The following WDPCP variants were observed in gnomAD, a reference collection of about 807,000 sequenced individuals.
WDPCP encodes WD repeat-containing and planar cell polarity effector protein fritz homolog.
In WDPCP, 71 loss-of-function variants were observed where a neutral mutation model predicts 93.1. The observed-to-expected ratio is 0.76, with a 90% CI of 0.63 to 0.93. The LOEUF (loss-of-function observed/expected upper bound fraction) is 0.93, where lower values mean the gene tolerates loss of function less well. WDPCP is among the 40% of genes least tolerant of loss of function. The pLI, the probability that WDPCP is intolerant of heterozygous loss-of-function variation, is 0.00. For synonymous variants in WDPCP, 315 were observed against 315.0 expected (o/e 1.00, Z 0.00); for missense variants, 844 against 887.4 (o/e 0.95, Z 0.62).
chr2:63,536,222 G>A (rs1558772836), intron 1 of WDPCP, among the ~76,000 whole-genome samples: 1 of 152,154 alleles, frequency 6.6e-6, no homozygotes, highest in African/African-American at 2.4e-5. Flanking sequence ...AACAGGTCTT[G>A]GAGAGGCTGT....
chr2:63,450,593 G>A (rs1452608050), intron 6 of WDPCP, among the ~76,000 whole-genome samples: 1 of 152,140 alleles, frequency 6.6e-6, no homozygotes, highest in Non-Finnish European at 1.5e-5. Context: ...CAGGACCCAA[G>A]ATCAGGCACA....
chr2:63,298,107 C>T (rs987589970), intron 13 of WDPCP, among the ~76,000 whole-genome samples: 1 of 152,126 alleles, frequency 6.6e-6, no homozygotes, highest in East Asian at 1.9e-4. Context: ...CGGGACACAA[C>T]GCATACTGAC....
Position 63,492,159 on chromosome 2 carries a change from G to A in WDPCP, c.160+697C>T, listed in dbSNP as rs1301692958. Among the ~76,000 whole-genome samples, 6 of 152,136 alleles carry A rather than the reference G, an allele frequency of 3.9e-5. No homozygotes were observed. In the East Asian group the frequency reaches 1.2e-3, roughly 29 times the overall value. ...CTTTGTAAGGTAAATCATTTTCTTA[G>A]TAATGATGCTTAAAAGATATAAATA... On this transcript the variant is annotated intron_variant, in intron 2 of 17. Transcript: ENST00000272321.
chr2:63,648,265 C>G (rs1710074420), intron 3 of WDPCP, among the ~76,000 whole-genome samples: 1 of 152,220 alleles, frequency 6.6e-6, no homozygotes, highest in Non-Finnish European at 1.5e-5. Context: ...TCTAGCCACT[C>G]TAACTCCAAT....
intron 13 of WDPCP, among the ~76,000 whole-genome samples, chr2:63,264,969 T>C (rs921770646): frequency 1.3e-5 from 2 of 152,048 alleles, no homozygotes; most frequent in African/African-American, 2.4e-5. Context: ...GAACAACCAA[T>C]TGGCCAAAGA....
chr2:63,203,051 CAT>C (rs1676042351), intron 14 of WDPCP, among the ~76,000 whole-genome samples: 1 of 151,964 alleles, frequency 6.6e-6, no homozygotes, highest in Non-Finnish European at 1.5e-5. Context: ...ATTTGGGGTG[CAT>C]ATGTGTGTGT....
At chr2:63,241,355 G>T (rs953567827) in intron 14 of WDPCP, among the ~76,000 whole-genome samples, 2 of 152,162 alleles carry the variant, frequency 1.3e-5, no homozygotes. Context: ...AAGTAGATTG[G>T]CAGGAATATA....
intron 6 of WDPCP, among the ~76,000 whole-genome samples, chr2:63,457,549 A>C (rs1698706865): frequency 6.6e-6 from 1 of 152,212 alleles, no homozygotes; most frequent in South Asian, 2.1e-4. Flanking sequence ...AGATGCAAAA[A>C]TCGTCAACAA....
intron 3 of WDPCP, among the ~76,000 whole-genome samples, chr2:63,621,470 A>AAT (rs1709736766): frequency 3.3e-5 from 5 of 152,034 alleles, no homozygotes; most frequent in African/African-American, 1.2e-4. Flanking sequence ...AGACAAGATT[A>AAT]GAGAATAAAG....
At chr2:63,761,116 G>A (rs943792568) in intron 2 of WDPCP, among the ~76,000 whole-genome samples, 7 of 152,150 alleles carry the variant, frequency 4.6e-5, no homozygotes, top group East Asian at 3.8e-4. Flanking sequence ...ATGCAACAAC[G>A]TTGAGAGGTG....
At chr2:63,760,579 A>G (rs1670042006) in intron 2 of WDPCP, among the ~76,000 whole-genome samples, 1 of 151,816 alleles carries the variant, frequency 6.6e-6, no homozygotes, top group Non-Finnish European at 1.5e-5. Flanking sequence ...CTTAAATCTC[A>G]TTTTCCCCTC....
At chr2:63,790,000 C>G (rs140757712) in intron 2 of WDPCP, among the ~76,000 whole-genome samples, 2 of 152,264 alleles carry the variant, frequency 1.3e-5, no homozygotes, top group East Asian at 3.9e-4. Flanking sequence ...ACTATTTCCA[C>G]CCTAAAATAA....
intron 2 of WDPCP, among the ~76,000 whole-genome samples, chr2:63,670,713 T>C (rs1710335502): frequency 6.6e-6 from 1 of 152,156 alleles, no homozygotes; most frequent in Non-Finnish European, 1.5e-5. Flanking sequence ...CCATCTGCCC[T>C]TTGCCAACTT....
At chr2:63,339,516 T>A (rs1308596561) in intron 12 of WDPCP, among the ~76,000 whole-genome samples, 4 of 152,170 alleles carry the variant, frequency 2.6e-5, no homozygotes, top group Non-Finnish European at 5.9e-5. Context: ...ATATAAGCGC[T>A]GCTGATTTTT....
chr2:63,632,275 A>G (rs1337316445), intron 3 of WDPCP, among the ~76,000 whole-genome samples: 1 of 152,236 alleles, frequency 6.6e-6, no homozygotes, highest in East Asian at 1.9e-4. Flanking sequence ...CAACAACAAC[A>G]AAAATAGTGG....
chr2:63,529,619 G>A (rs1306142037), intron 1 of WDPCP, among the ~76,000 whole-genome samples: 1 of 152,190 alleles, frequency 6.6e-6, no homozygotes, highest in Non-Finnish European at 1.5e-5. Context: ...CGGTTTGCCA[G>A]TGTTTTATTG....
chr2:63,688,821 A>G (rs1358298963), intron 2 of WDPCP, among the ~76,000 whole-genome samples: 1 of 152,180 alleles, frequency 6.6e-6, no homozygotes, highest in African/African-American at 2.4e-5. Flanking sequence ...TTGCCAATAT[A>G]ATGATGTTGG....
intron 13 of WDPCP, among the ~76,000 whole-genome samples, chr2:63,272,472 CATA>C (rs1682740579): frequency 6.6e-6 from 1 of 152,100 alleles, no homozygotes. Context: ...GTCAAAAGAA[CATA>C]ATAATTCTCC....
At chr2:63,734,259 T>A (rs1669606452) in intron 2 of WDPCP, among the ~76,000 whole-genome samples, 2 of 152,126 alleles carry the variant, frequency 1.3e-5, no homozygotes, top group Non-Finnish European at 2.9e-5. Flanking sequence ...GATATAAGGT[T>A]CTTAAGATTA....
Sources: allele counts gnomAD v4.1 joint callset (sites outside exome capture counted in the v4.1 genomes callset), GRCh38; gene constraint gnomAD v4.1.1; transcripts MANE v1.5; gene names NCBI Gene and HGNC (gene_info 2026-07-23, HGNC 2026-07-21).